KCNT2: variants seen among roughly 807,000 people sequenced by gnomAD.
KCNT2 encodes potassium channel subfamily T member 2.
Under a neutral mutation model 153.8 loss-of-function variants are expected in KCNT2, and 67 were observed. The ratio of observed to expected loss-of-function variants is 0.44; its 90% CI spans 0.36 to 0.53. The LOEUF (loss-of-function observed/expected upper bound fraction) is 0.53, where lower values mean the gene tolerates loss of function less well. KCNT2 is among the 20% of genes least tolerant of loss of function. The probability of loss-of-function intolerance (pLI) is 0.00; values close to 1 mark genes in which losing one functional copy is unlikely to be tolerated. For synonymous variants in KCNT2, 500 were observed against 458.8 expected (o/e 1.09, Z -1.15); for missense variants, 975 against 1,354.8 (o/e 0.72, Z 4.40).
intron 19 of KCNT2, among the ~76,000 whole-genome samples, chr1:196,322,777 T>C (rs574399514): frequency 5.3e-4 from 80 of 152,058 alleles, no homozygotes; most frequent in Non-Finnish European, 8.8e-4. Context: ...ATGAGCACAG[T>C]TTATTTTGTT....
At chr1:196,482,793 A>G (rs1450904714) in intron 3 of KCNT2, among the ~76,000 whole-genome samples, 2 of 152,108 alleles carry the variant, frequency 1.3e-5, no homozygotes, top group Non-Finnish European at 2.9e-5. Context: ...AAAATCAGTA[A>G]CAGAGTATAC....
At chr1:196,418,948 A>G (rs1409075843) in intron 12 of KCNT2, among the ~76,000 whole-genome samples, 1 of 151,508 alleles carries the variant, frequency 6.6e-6, no homozygotes, top group African/African-American at 2.4e-5. Flanking sequence ...GAAGTTCTCC[A>G]CTCCTCACAA....
At chr1:196,463,148 A>G (rs956952924) in intron 8 of KCNT2, among the ~76,000 whole-genome samples, 2 of 151,704 alleles carry the variant, frequency 1.3e-5, no homozygotes, top group African/African-American at 4.8e-5. Flanking sequence ...CAGACTACCT[A>G]GACATTTCTA....
At chr1:196,497,613 G>A (rs1402688530) in intron 1 of KCNT2, among the ~76,000 whole-genome samples, 1 of 151,972 alleles carries the variant, frequency 6.6e-6, no homozygotes, top group Non-Finnish European at 1.5e-5. Flanking sequence ...AGGAACAATT[G>A]TATTTTGTTG....
chr1:196,345,186 C>T (rs1015300050), intron 14 of KCNT2, among the ~76,000 whole-genome samples: 5 of 151,964 alleles, frequency 3.3e-5, no homozygotes, highest in Non-Finnish European at 5.9e-5. Context: ...CAACAATAAA[C>T]ATGAAAAAGC....
At chr1:196,496,857 G>A (rs1680301562) in intron 1 of KCNT2, among the ~76,000 whole-genome samples, 1 of 152,166 alleles carries the variant, frequency 6.6e-6, no homozygotes. Flanking sequence ...CATATGGGAG[G>A]AAACTGCAGT....
chr1:196,243,577 T>C (rs1315270373), intron 26 of KCNT2, among the ~76,000 whole-genome samples: 2 of 152,114 alleles, frequency 1.3e-5, no homozygotes, highest in African/African-American at 4.8e-5. Context: ...TGGAACTCAA[T>C]GCTGCCCTGG....
At chr1:196,368,029 G>T (rs1572188648) in intron 14 of KCNT2, among the ~76,000 whole-genome samples, 1 of 152,108 alleles carries the variant, frequency 6.6e-6, no homozygotes, top group Non-Finnish European at 1.5e-5. Context: ...ACAGAACAAC[G>T]TGCTCTGATG....
At chr1:196,487,851 T>A (rs1200036928) in intron 3 of KCNT2, among the ~76,000 whole-genome samples, 2 of 152,128 alleles carry the variant, frequency 1.3e-5, no homozygotes, top group African/African-American at 4.8e-5. Context: ...TGTGTCTCTA[T>A]CACTTGATGT....
chr1:196,271,682 A>G (rs764991184), intron 25 of KCNT2, among the ~76,000 whole-genome samples: 22 of 151,960 alleles, frequency 1.4e-4, no homozygotes, highest in Non-Finnish European at 2.5e-4. Flanking sequence ...TTTTTGTTAG[A>G]GAGAAAGTGA....
At chr1:196,334,113 A>G in intron 16 of KCNT2, 53 bp from the exon 17 acceptor site, 1 of 1,101,046 alleles carries the variant, frequency 9.1e-7, no homozygotes, top group East Asian at 2.4e-5. Context: ...ATTGATCACT[A>G]GTGTTGAAGG....
intron 18 of KCNT2, 114 bp downstream of exon 18, chr1:196,331,042 C>G (rs1664408317): frequency 1.5e-6 from 1 of 659,508 alleles, no homozygotes; most frequent in Non-Finnish European, 2.7e-6. Flanking sequence ...AAAGATAATA[C>G]CAATACCCCT....
intron 22 of KCNT2, among the ~76,000 whole-genome samples, chr1:196,291,345 G>A (rs912204341): frequency 4.6e-5 from 7 of 151,004 alleles, no homozygotes; most frequent in Non-Finnish European, 1.0e-4. Context: ...TTACAGAGAG[G>A]AAAAAAAGAT....
At chr1:196,489,205 A>C (rs1679669689) in intron 3 of KCNT2, among the ~76,000 whole-genome samples, 1 of 151,920 alleles carries the variant, frequency 6.6e-6, no homozygotes, top group South Asian at 2.1e-4. Flanking sequence ...GAGTAGGCAA[A>C]AGTTAGATTA....
intron 26 of KCNT2, among the ~76,000 whole-genome samples, chr1:196,243,808 G>C (rs1655176178): frequency 2.6e-5 from 4 of 152,096 alleles, no homozygotes; most frequent in African/African-American, 9.7e-5. Context: ...GAGCTGTGTT[G>C]GAATCAAAGA....
At chr1:196,359,289 A>T (rs1264337463) in intron 14 of KCNT2, among the ~76,000 whole-genome samples, 1 of 152,002 alleles carries the variant, frequency 6.6e-6, no homozygotes, top group African/African-American at 2.4e-5. Context: ...GTGATTTCCA[A>T]CAGAAAATAT....
intron 26 of KCNT2, among the ~76,000 whole-genome samples, chr1:196,239,950 G>A (rs185029473): frequency 6.6e-6 from 1 of 152,056 alleles, no homozygotes; most frequent in Admixed American, 6.6e-5. Flanking sequence ...GACACAGAAA[G>A]AAGGCAGCCA....
chr1:196,284,854 T>C (rs981662873), intron 23 of KCNT2, among the ~76,000 whole-genome samples: 1 of 152,194 alleles, frequency 6.6e-6, no homozygotes, highest in Non-Finnish European at 1.5e-5. Context: ...GATTAGTTTG[T>C]TCAGTCAAGC....
At chr1:196,228,379 C>A in intron 27 of KCNT2, 44 bp from the exon 28 acceptor site, 1 of 977,440 alleles carries the variant, frequency 1.0e-6, no homozygotes, top group Non-Finnish European at 1.6e-6. Context: ...ATAGTAAATA[C>A]AGGCAACATT....
Sources: gnomAD v4.1 joint callset for allele counts (sites outside exome capture counted in the v4.1 genomes callset) on GRCh38, gnomAD v4.1.1 for gene constraint, MANE v1.5 for transcripts, NCBI Gene and HGNC (gene_info 2026-07-23, HGNC 2026-07-21) for gene names.